The following SLC25A45 variants were observed in gnomAD, a reference collection of about 807,000 sequenced individuals.
SLC25A45 encodes the protein solute carrier family 25 member 45, also known as methylated amino-acid transporter SLC25A45.
In SLC25A45, 22 loss-of-function variants were observed where a neutral mutation model predicts 23.0. The observed-to-expected ratio is 0.95, with a 90% CI of 0.68 to 1.36. The LOEUF is 1.36. SLC25A45 is among the 40% of genes most tolerant of loss of function. The pLI is 0.00. For missense variants in SLC25A45, 355 were observed against 383.5 expected, an observed-to-expected ratio of 0.93 and a Z score of 0.62; for synonymous variants, 136 against 155.0, an observed-to-expected ratio of 0.88 and a Z score of 0.91.
At position 65,377,486 on chromosome 11, in the gene SLC25A45, A is replaced by G. The variant is rs548157727; in HGVS notation, c.340-410T>C. 2,046 of 913,236 alleles carry G rather than the reference A, an allele frequency of 2.2e-3. 5 individuals are homozygous for G. The highest frequency in any genetic ancestry group is 3.8e-3 in the Middle Eastern group (7 of 1,836). 56.6% of individuals were successfully genotyped at this position (913,236 alleles called of 1,614,324 possible). On this transcript the variant is annotated intron_variant, in intron 5 of 6. Coordinates refer to ENST00000398802, the MANE Select transcript of SLC25A45 (RefSeq NM_182556.4). The stretch of plus-strand genomic sequence containing the variant: ...GTGACTGTGAAATAGCAAAGAAACC[A>G]CCCTTTCCCAGGGTGAAGGAGGTCC...
Position 65,379,441 on chromosome 11 carries a change from G to T in SLC25A45, c.274C>A (p.Arg92=), listed in dbSNP as rs758843633. The stretch of plus-strand genomic sequence containing the variant: ...ATGTAGCTGGGCGGCTGGGCCCGCC[G>T]CTCCTGGTGGGAGGTGGCCGTGAGC... ...LVLTATSHQE[R]RAQPPSYMHI... Residue 92 remains arginine, a synonymous_variant, in exon 5 of 7, where the codon CGG becomes AGG. Transcript: ENST00000398802. The T allele has an allele frequency of 1.2e-6, 2 of 1,613,764 alleles. No homozygotes were observed. Among genetic ancestry groups the T allele is most frequent in the South Asian group, 1.1e-5 (1 of 91,088 alleles).
chr11:65,383,440 C>T (rs1855665006), upstream of SLC25A45: 1 of 152,396 alleles, frequency 6.6e-6, no homozygotes, highest in South Asian at 2.1e-4. Flanking sequence ...GCTTCTTATT[C>T]CTGAAACTGC....
rs781268759 is a variant in SLC25A45, at chr11:65,379,928, T to C, written c.92A>G (p.Gln31Arg). The C allele has an allele frequency of 6.2e-7, 1 of 1,614,184 alleles. No individual in the cohort carries two copies. Among genetic ancestry groups the C allele is most frequent in the Non-Finnish European group, 8.5e-7 (1 of 1,180,010 alleles). ...HPFDTVKVRL[Q>R]TQTTYRGIVD... ...GATGCCCCGGTAGGTGGTCTGGGTC[T>C]GCAGCCTCACCTGGGTGGGAGGACA... Residue 31 changes from glutamine to arginine, a missense_variant, in exon 4 of 7, where the codon CAG becomes CGG. Coordinates refer to ENST00000398802, the MANE Select transcript of SLC25A45 (RefSeq NM_182556.4).
At chr11:65,379,649 A>T in intron 4 of SLC25A45, 88 bp from the exon 5 acceptor site, 2 of 1,409,636 alleles carry the variant, frequency 1.4e-6, no homozygotes, top group Non-Finnish European at 1.9e-6. Flanking sequence ...CTCTGGCTGG[A>T]AACTGCTCCC....
At position 65,376,599 on chromosome 11, in the gene SLC25A45, G is replaced by A; in HGVS notation, c.675C>T (p.Ile225=). ...GTCCATCCATCTGCATCCGGGACTTGATCATGTCTAAGGGCGTGGCTGCCA... is the reference window on the plus strand; with the variant it reads ...GTCCATCCATCTGCATCCGGGACTTAATCATGTCTAAGGGCGTGGCTGCCA... The part of the protein sequence containing the change: ...SWVAATPLDM[I]KSRMQMDGLR... Residue 225 remains isoleucine (I), a synonymous_variant, in exon 7 of 7, where the codon ATC becomes ATT. Coordinates refer to ENST00000398802, the MANE Select transcript of SLC25A45 (RefSeq NM_182556.4). 4 of 1,614,108 alleles carry A rather than the reference G, an allele frequency of 2.5e-6. No individual in the cohort carries two copies. The highest frequency in any genetic ancestry group is 2.2e-5 in the South Asian group (2 of 91,082).
rs1246838166 is a variant in SLC25A45, at chr11:65,381,619, G to A, written c.37+296C>T. On this transcript the variant is annotated intron_variant, in intron 2 of 6. Transcript: ENST00000398802. ...GTCTCATTCTGTCACCCAGGCTGGAGTGCAGTGGTGCAGTCATAGCTCACT... is the reference window on the plus strand; with the variant it reads ...GTCTCATTCTGTCACCCAGGCTGGAATGCAGTGGTGCAGTCATAGCTCACT... The A allele has an allele frequency of 1.2e-5, 3 of 248,922 alleles. No homozygotes were observed. In the East Asian group the frequency reaches 2.5e-4, roughly 21 times the overall value. The allele number at this position is 248,922 out of a possible 1,614,324, so 15.4% of individuals were successfully genotyped here. A position where few individuals can be genotyped will look rare whatever the true frequency, so the allele number is the denominator to read the frequency against.
chr11:65,379,124 C>T (rs764049719), intron 5 of SLC25A45: 510 of 500,724 alleles, frequency 1.0e-3, no homozygotes, highest in Non-Finnish European at 1.4e-3. Flanking sequence ...TCAGCTGGAG[C>T]GAGTGGCCCA....
chr11:65,381,717 G>A, intron 2 of SLC25A45, 198 bp downstream of exon 2: 1 of 619,856 alleles, frequency 1.6e-6, no homozygotes, highest in South Asian at 1.7e-5. Flanking sequence ...ACCATGCCCA[G>A]CTAATTATTT....
intron 2 of SLC25A45, chr11:65,381,560 CTTTT>C (rs34891223): frequency 1.3e-3 from 114 of 84,584 alleles, no homozygotes; most frequent in Middle Eastern, 9.1e-3. Flanking sequence ...TGCCCTGATT[CTTTT>C]TTTTTTTTTT....
Position 65,376,108 on chromosome 11 carries a change from G to T in SLC25A45, c.*299C>A. On this transcript the variant is annotated 3_prime_UTR_variant, in exon 7 of 7. Coordinates refer to ENST00000398802, the MANE Select transcript of SLC25A45 (RefSeq NM_182556.4). ...AAAAAAAAAAGAGGTGAAGGCACAGGACAGGAGCTGGGATGTCACCAGCAC... is the reference window on the plus strand; with the variant it reads ...AAAAAAAAAAGAGGTGAAGGCACAGTACAGGAGCTGGGATGTCACCAGCAC... 1 of 463,588 alleles carries T rather than the reference G, an allele frequency of 2.2e-6. No homozygotes were observed. The highest frequency in any genetic ancestry group is 3.6e-5 in the East Asian group (1 of 27,596). 28.7% of individuals were successfully genotyped at this position (463,588 alleles called of 1,614,324 possible).
chr11:65,377,309 C>T lies in SLC25A45; in HGVS notation c.340-233G>A, dbSNP rs1462387771. On this transcript the variant is annotated intron_variant, in intron 5 of 6. Coordinates refer to ENST00000398802, the MANE Select transcript of SLC25A45 (RefSeq NM_182556.4). ...GGCCCAAGAGTGAGAGGCACTGCCCCTCATGCAACAGTGACCAACTTGCCT... is the reference window on the plus strand; with the variant it reads ...GGCCCAAGAGTGAGAGGCACTGCCCTTCATGCAACAGTGACCAACTTGCCT... 5.8e-6 allele frequency: 8 copies of T among 1,384,640 alleles called. No homozygotes were observed. The African/African-American group carries it at 1.2e-4, about 20-fold the overall frequency. 85.8% of individuals were successfully genotyped at this position (1,384,640 alleles called of 1,614,324 possible).
Position 65,376,490 on chromosome 11 carries a change from C to T in SLC25A45, c.784G>A (p.Val262Ile). The change falls in exon 7 of 7, where the codon GTC becomes ATC. Residue 262 changes from valine (V) to isoleucine (I), a missense_variant. Transcript: ENST00000398802. ...AAGGCGCGGGCACTGTTGATGGTGACCCCCCGGAAGAAGACTCCCAGTCCT... is the reference window on the plus strand; with the variant it reads ...AAGGCGCGGGCACTGTTGATGGTGATCCCCCGGAAGAAGACTCCCAGTCCT... ...QEGLGVFFRG[V>I]TINSARAFPV... The T allele has an allele frequency of 6.2e-7, 1 of 1,614,074 alleles. No individual in the cohort carries two copies. Among genetic ancestry groups the T allele is most frequent in the Non-Finnish European group, 8.5e-7 (1 of 1,179,990 alleles).
rs1362507932 is a variant in SLC25A45 at position 65,379,860 on chromosome 11, C to T, written c.153+7G>A. The T allele has an allele frequency of 6.2e-7, 1 of 1,614,186 alleles. No individual in the cohort carries two copies. Among genetic ancestry groups the T allele is most frequent in the South Asian group, 1.1e-5 (1 of 91,088 alleles). Reference sequence around the variant, plus strand: ...GGGGAAGGACCCCAAAGGAGTGGGCCACTCACGGACTCATGGCGGTAAATC... The same window carrying T: ...GGGGAAGGACCCCAAAGGAGTGGGCTACTCACGGACTCATGGCGGTAAATC... On this transcript the variant is annotated splice_region_variant and intron_variant, in intron 4 of 6. Transcript: ENST00000398802.
Position 65,382,581 on chromosome 11 carries a change from G to C in SLC25A45, c.-114C>G, listed in dbSNP as rs994524878. ...CTTCCTCGGCTTCCTCCTTCCCAGG[G>C]GAAAGATAGGGGTTTTGATTATTTA... On this transcript the variant is annotated 5_prime_UTR_variant, in exon 1 of 7. Transcript: ENST00000398802. The surrounding 1 kb of genome is among the most constrained non-coding windows in gnomAD (Gnocchi z 4.4). 1 of 155,134 alleles carries C rather than the reference G, an allele frequency of 6.4e-6. No individual in the cohort carries two copies. The highest frequency in any genetic ancestry group is 1.9e-4 in the South Asian group (1 of 5,370). The allele number at this position is 155,134 out of a possible 1,614,324, so 9.6% of individuals were successfully genotyped here.
chr11:65,377,395 G>C (rs1239271078), intron 5 of SLC25A45: 1 of 1,212,188 alleles, frequency 8.2e-7, no homozygotes, highest in Admixed American at 4.2e-5. Flanking sequence ...GTTGGTTTCT[G>C]GCCTCCCTAA....
rs1855635533 is a variant in SLC25A45, at chr11:65,382,643, A to T, written c.-176T>A. 1 of 152,850 alleles carries T rather than the reference A, an allele frequency of 6.5e-6. No homozygotes were observed. The highest frequency in any genetic ancestry group is 1.9e-4 in the East Asian group (1 of 5,188). The allele number at this position is 152,850 out of a possible 1,614,324, so 9.5% of individuals were successfully genotyped here. On this transcript the variant is annotated 5_prime_UTR_variant, in exon 1 of 7. Transcript: ENST00000398802. This position sits in a 1 kb window ranked among gnomAD's most constrained non-coding sequence, Gnocchi z 4.4. Reference sequence around the variant, plus strand: ...GATCTGCAATGGCACCATTCTGCTCAGTCAAAACCAAAACCCTTTCAAGGA... The same window carrying T: ...GATCTGCAATGGCACCATTCTGCTCTGTCAAAACCAAAACCCTTTCAAGGA...
At position 65,376,356 on chromosome 11, in the gene SLC25A45, T is replaced by A; in HGVS notation, c.*51A>T. 6.3e-7 allele frequency: 1 copy of A among 1,592,558 alleles called. No individual in the cohort carries two copies. Among genetic ancestry groups the A allele is most frequent in the Non-Finnish European group, 8.6e-7 (1 of 1,165,476 alleles). On this transcript the variant is annotated 3_prime_UTR_variant, in exon 7 of 7. Transcript: ENST00000398802. ...TTCAACCTGGCCTCCAATCTCAAACTGGCCTCCAGGCCGTGGGCCTGATGG... is the reference window on the plus strand; with the variant it reads ...TTCAACCTGGCCTCCAATCTCAAACAGGCCTCCAGGCCGTGGGCCTGATGG...
Position 65,375,310 on chromosome 11 carries a change from G to A in SLC25A45, c.*1097C>T, listed in dbSNP as rs1855095132. 6.6e-6 allele frequency: 1 copy of A among 152,432 alleles called. No homozygotes were observed. Among genetic ancestry groups the A allele is most frequent in the South Asian group, 2.1e-4 (1 of 4,844 alleles). 9.4% of individuals were successfully genotyped at this position (152,432 alleles called of 1,614,324 possible). ...CACAGTCCAGTGGGGAAGCCGAGAA[G>A]CAAATTAATGACTCTGAAGAAGCGC... On this transcript the variant is annotated 3_prime_UTR_variant, in exon 7 of 7. Transcript: ENST00000398802.
At chr11:65,381,851 C>T (rs1313518916) in intron 2 of SLC25A45, 64 bp downstream of exon 2, 2 of 1,604,332 alleles carry the variant, frequency 1.2e-6, no homozygotes, top group Non-Finnish European at 1.7e-6. Context: ...CCATGTCACC[C>T]ATCTTCCCGA....
Sources: allele counts gnomAD v4.1 joint callset, GRCh38; gene constraint gnomAD v4.1.1; non-coding constraint Gnocchi (gnomAD v3.1); transcripts MANE v1.5; gene names NCBI Gene and HGNC (gene_info 2026-07-23, HGNC 2026-07-21).